The following SNX19 variants were observed in gnomAD, a reference collection of about 807,000 sequenced individuals.
SNX19 encodes the protein sorting nexin 19.
A neutral mutation model predicts 85.2 loss-of-function variants in SNX19; 60 were observed. The observed-to-expected ratio is 0.70, with a 90% confidence interval of 0.57 to 0.87. SNX19 has a LOEUF of 0.87. Among genes scored for constraint, SNX19 ranks in the 40% least tolerant of loss-of-function variants. The pLI, the probability that SNX19 is intolerant of heterozygous loss-of-function variation, is 0.00. For missense variants in SNX19, 1,201 were observed against 1,217.8 expected (o/e 0.99, Z 0.21); for synonymous variants, 520 against 470.0 (o/e 1.11, Z -1.38).
At chr11:130,889,352 A>G (rs1179946584) in intron 8 of SNX19, among the ~76,000 whole-genome samples, 1 of 152,054 alleles carries the variant, frequency 6.6e-6, no homozygotes, top group Non-Finnish European at 1.5e-5. Context: ...TCATTCATTT[A>G]CTCAAAGCAT....
At chr11:130,882,954 G>A (rs1349126289) in intron 8 of SNX19, among the ~76,000 whole-genome samples, 1 of 152,144 alleles carries the variant, frequency 6.6e-6, no homozygotes, top group African/African-American at 2.4e-5. Context: ...AGCAAGCCTA[G>A]GTACCTCAGC....
At position 130,915,823 on chromosome 11, in the gene SNX19, G is replaced by C; in HGVS notation, c.117C>G (p.Leu39=). The stretch of plus-strand genomic sequence containing the variant: ...CGTTGACCAGAAGGTGTATGACCAG[G>C]AGCCAGCCAAGCAAGACCCCCACAG... ...LMAVGVLLGW[L]LVIHLLVNVW... The change falls in exon 1 of 11, where the codon CTC becomes CTG. Residue 39 remains leucine, a synonymous_variant. Transcript: ENST00000265909. 1 of 1,614,206 alleles carries C rather than the reference G, an allele frequency of 6.2e-7. No individual in the cohort carries two copies. Among genetic ancestry groups the C allele is most frequent in the East Asian group, 2.2e-5 (1 of 44,872 alleles).
chr11:130,901,375 C>T (rs1166506400), intron 8 of SNX19, among the ~76,000 whole-genome samples: 1 of 152,046 alleles, frequency 6.6e-6, no homozygotes, highest in Non-Finnish European at 1.5e-5. Context: ...GGAAAGAGAG[C>T]AGATGCTACA....
rs1489030810 is a variant in SNX19, at chr11:130,871,780, G to A, written c.*6642C>T. Among the ~76,000 whole-genome samples the A allele has an allele frequency of 6.6e-6, 1 of 152,142 alleles. No homozygotes were observed. Among genetic ancestry groups the A allele is most frequent in the Non-Finnish European group, 1.5e-5 (1 of 68,024 alleles). ...AGCCAACTCTTCTTTGCTTATAACA[G>A]GGTGCAGCAGTAACATGGAACATAA... On this transcript the variant is annotated 3_prime_UTR_variant, in exon 11 of 11. Coordinates refer to ENST00000265909, the MANE Select transcript of SNX19 (RefSeq NM_014758.3).
At position 130,873,530 on chromosome 11, in the gene SNX19, C is replaced by G. The variant is rs1400919300; in HGVS notation, c.*4892G>C. On this transcript the variant is annotated 3_prime_UTR_variant, in exon 11 of 11. Coordinates refer to ENST00000265909, the MANE Select transcript of SNX19 (RefSeq NM_014758.3). ...GTATCTAGGCTCTGCCACTCCCTTGCAAATGACTGTGGGTAAGACATAACC... is the reference window on the plus strand; with the variant it reads ...GTATCTAGGCTCTGCCACTCCCTTGGAAATGACTGTGGGTAAGACATAACC... 6.6e-6 allele frequency among the ~76,000 whole-genome samples: 1 copy of G among 152,164 alleles called. No individual in the cohort carries two copies. The highest frequency in any genetic ancestry group is 2.4e-5 in the African/African-American group (1 of 41,456).
rs374702127 is a variant in SNX19 at position 130,870,127 on chromosome 11, C to G, written c.*8295G>C. 2.0e-5 allele frequency: 3 copies of G among 152,126 alleles called. No individual in the cohort carries two copies. Among genetic ancestry groups the G allele is most frequent in the Admixed American group, 6.5e-5 (1 of 15,280 alleles). The allele number at this position is 152,126 out of a possible 1,614,324, so 9.4% of individuals were successfully genotyped here. On this transcript the variant is annotated 3_prime_UTR_variant, in exon 11 of 11. Coordinates refer to ENST00000265909, the MANE Select transcript of SNX19 (RefSeq NM_014758.3). ...GGGAAAAATCCACAGAAATCCTAAT[C>G]CTATTAAAAACTTAGGTCATTCCAC...
At chr11:130,904,675 G>A (rs368407439) in intron 7 of SNX19, among the ~76,000 whole-genome samples, 8 of 148,312 alleles carry the variant, frequency 5.4e-5, no homozygotes, top group South Asian at 2.2e-4. Flanking sequence ...CAAGTCAGTT[G>A]CCTTAAAGAA....
At chr11:130,913,836 A>G (rs1946333111) in intron 1 of SNX19, among the ~76,000 whole-genome samples, 2 of 152,184 alleles carry the variant, frequency 1.3e-5, no homozygotes, top group African/African-American at 4.8e-5. Context: ...TTAGAGAGGC[A>G]ATTCCCCAAG....
At chr11:130,882,796 A>G (rs911781657) in intron 8 of SNX19, among the ~76,000 whole-genome samples, 1 of 152,168 alleles carries the variant, frequency 6.6e-6, no homozygotes, top group African/African-American at 2.4e-5. Flanking sequence ...TCTTCACCTC[A>G]AGCCATGTAT....
At chr11:130,896,074 A>T (rs6590534) in intron 8 of SNX19, among the ~76,000 whole-genome samples, 96,657 of 152,056 alleles carry the variant, frequency 0.64, 31,008 homozygotes, top group South Asian at 0.8. Flanking sequence ...ACCTCTAAAA[A>T]CAGCCCAAGC....
chr11:130,899,510 A>C (rs1945116465), intron 8 of SNX19, among the ~76,000 whole-genome samples: 1 of 152,210 alleles, frequency 6.6e-6, no homozygotes, highest in African/African-American at 2.4e-5. Flanking sequence ...GGGATACATG[A>C]ATGGCCTCAA....
At position 130,878,278 on chromosome 11, in the gene SNX19, G is replaced by T; in HGVS notation, c.*144C>A. The T allele has an allele frequency of 1.2e-6, 1 of 845,862 alleles. No individual in the cohort carries two copies. Among genetic ancestry groups the T allele is most frequent in the Non-Finnish European group, 1.8e-6 (1 of 555,762 alleles). The allele number at this position is 845,862 out of a possible 1,614,324, so 52.4% of individuals were successfully genotyped here. A position where few individuals can be genotyped will look rare whatever the true frequency, so the allele number is the denominator to read the frequency against. On this transcript the variant is annotated 3_prime_UTR_variant, in exon 11 of 11. Coordinates refer to ENST00000265909, the MANE Select transcript of SNX19 (RefSeq NM_014758.3). ...ACCCCTGTCACCTGCTACAAATGGA[G>T]CAGAAGTGGGAGAGAAGTGAGCCAC... is the stretch of plus-strand genomic sequence containing the variant.
Position 130,916,349 on chromosome 11 carries a change from C to T in SNX19, c.-410G>A, listed in dbSNP as rs1479405596. 1 of 191,942 alleles carries T rather than the reference C, an allele frequency of 5.2e-6. No homozygotes were observed. The highest frequency in any genetic ancestry group is 5.3e-5 in the Admixed American group (1 of 18,850). The allele number at this position is 191,942 out of a possible 1,614,324, so 11.9% of individuals were successfully genotyped here. On this transcript the variant is annotated 5_prime_UTR_variant, in exon 1 of 11. Transcript: ENST00000265909. ...CGGGAACCGCGCGCCCACACTCAGC[C>T]CCGACCTGAAGTGGACTCATCGCGG...
intron 8 of SNX19, among the ~76,000 whole-genome samples, chr11:130,890,031 T>C (rs1013188278): frequency 1.4e-4 from 21 of 152,286 alleles, no homozygotes; most frequent in Admixed American, 6.5e-4. Context: ...GATTTTTATA[T>C]AAATCAGAGT....
intron 8 of SNX19, among the ~76,000 whole-genome samples, chr11:130,896,838 T>G (rs762224748): frequency 1.3e-5 from 2 of 152,130 alleles, no homozygotes; most frequent in Admixed American, 6.5e-5. Flanking sequence ...GTGGCAGACC[T>G]GGAGGTTCTC....
In SNX19 at chr11:130,911,776, T is replaced by A; in HGVS notation, c.1675-5A>T. 1 of 1,613,244 alleles carries A rather than the reference T, an allele frequency of 6.2e-7. No homozygotes were observed. On this transcript the variant is annotated splice_region_variant and splice_polypyrimidine_tract_variant and intron_variant, in intron 1 of 10. Coordinates refer to ENST00000265909, the MANE Select transcript of SNX19 (RefSeq NM_014758.3). The stretch of plus-strand genomic sequence containing the variant: ...ACCGTCAAGGGCTGTCTCGTACTGT[T>A]CAACGAACAAATTGATTGACTCAAT...
At chr11:130,889,526 A>T (rs562146411) in intron 8 of SNX19, among the ~76,000 whole-genome samples, 30 of 100,060 alleles carry the variant, frequency 3.0e-4, no homozygotes, top group African/African-American at 5.8e-4. Context: ...ATCCTGTTGC[A>T]AAACTTTGAG....
At chr11:130,894,557 C>G (rs1186441790) in intron 8 of SNX19, among the ~76,000 whole-genome samples, 1 of 151,626 alleles carries the variant, frequency 6.6e-6, no homozygotes, top group East Asian at 1.9e-4. Context: ...ACAAACAGGT[C>G]TTCCTCAAAG....
In SNX19 at chr11:130,889,047, C is replaced by T. The variant is rs561457894; in HGVS notation, c.2574-8241G>A. 5.9e-5 allele frequency among the ~76,000 whole-genome samples: 9 copies of T among 152,168 alleles called. No homozygotes were observed. In the South Asian group the frequency reaches 1.9e-3, roughly 32 times the overall value. ...ATCAGTTGATACTACAGCATCTGTC[C>T]CAAACAATTACCTACATATATTTTT... is the stretch of plus-strand genomic sequence containing the variant. On this transcript the variant is annotated intron_variant, in intron 8 of 10. Transcript: ENST00000265909.
Sources: allele counts gnomAD v4.1 joint callset (sites outside exome capture counted in the v4.1 genomes callset), GRCh38; gene constraint gnomAD v4.1.1; transcripts MANE v1.5; gene names NCBI Gene and HGNC (gene_info 2026-07-23, HGNC 2026-07-21).